RNF150: variants seen among roughly 807,000 people sequenced by gnomAD.
RNF150 encodes ring finger protein 150.
Under a neutral mutation model 39.3 loss-of-function variants are expected in RNF150, and 24 were observed. The observed-to-expected ratio is 0.61, with a 90% CI of 0.44 to 0.86. The LOEUF is 0.86. RNF150 is among the 40% of genes least tolerant of loss of function. The pLI is 0.00. For missense variants in RNF150, 502 were observed against 587.8 expected (o/e 0.85, Z 1.51); for synonymous variants, 255 against 227.3 (o/e 1.12, Z -1.10).
intron 1 of RNF150, among the ~76,000 whole-genome samples, chr4:141,130,647 G>A: frequency 6.6e-6 from 1 of 152,184 alleles, no homozygotes; most frequent in Non-Finnish European, 1.5e-5. Context: ...CATATGCACA[G>A]AGAAACAAAG....
chr4:141,084,597 C>T (rs1452170922), intron 1 of RNF150, among the ~76,000 whole-genome samples: 7 of 152,178 alleles, frequency 4.6e-5, no homozygotes, highest in African/African-American at 7.2e-5. Flanking sequence ...TCCTAAAGGA[C>T]GCGCAGGCTT....
chr4:141,177,557 T>C (rs2111182556), intron 1 of RNF150, among the ~76,000 whole-genome samples: 1 of 152,230 alleles, frequency 6.6e-6, no homozygotes, highest in Admixed American at 6.5e-5. Flanking sequence ...CATAGAGCAT[T>C]TTATTATCCT....
At chr4:141,003,599 ACACACACACG>A (rs1734753736) in intron 1 of RNF150, among the ~76,000 whole-genome samples, 2 of 133,884 alleles carry the variant, frequency 1.5e-5, no homozygotes, top group Admixed American at 1.6e-4. Flanking sequence ...ACACACACAC[ACACACACACG>A]TGTGCACACT....
chr4:140,997,720 G>A (rs945493965), intron 1 of RNF150, among the ~76,000 whole-genome samples: 2 of 151,688 alleles, frequency 1.3e-5, no homozygotes, highest in African/African-American at 4.8e-5. Flanking sequence ...ACATATATGT[G>A]TGTATAAAAA....
rs759014249 is a variant in RNF150 at position 140,947,669 on chromosome 4, C to G, written c.875G>C (p.Arg292Pro). 2 of 1,610,508 alleles carry G rather than the reference C, an allele frequency of 1.2e-6. No individual in the cohort carries two copies. The highest frequency in any genetic ancestry group is 1.7e-6 in the Non-Finnish European group (2 of 1,178,484). ...AGTGACTCACCGGCAGGGCAGGATC[C>G]GGACAACGTCATTGGGCTTGTACCC... ...IEGYKPNDVV[R>P]ILPCRHLFHK... Residue 292 changes from arginine (R) to proline (P), a missense_variant, in exon 4 of 7, where the codon CGG (arginine) becomes CCG (proline). Arg to Pro is a moderately radical substitution (Grantham distance 103, BLOSUM62 -2). Coordinates refer to ENST00000515673, the MANE Select transcript of RNF150 (RefSeq NM_020724.2).
intron 6 of RNF150, among the ~76,000 whole-genome samples, chr4:140,889,620 C>T (rs1444432379): frequency 6.6e-6 from 1 of 152,098 alleles, no homozygotes; most frequent in African/African-American, 2.4e-5. Context: ...TACAAAGGTA[C>T]AGGGAATAAT....
chr4:141,132,179 A>C lies in RNF150; in HGVS notation c.484+146T>G, dbSNP rs982951467. The C allele has an allele frequency of 8.7e-6, 7 of 808,168 alleles. No individual in the cohort carries two copies. The African/African-American group carries it at 1.0e-4, about 12-fold the overall frequency. 50.1% of individuals were successfully genotyped at this position (808,168 alleles called of 1,614,324 possible). On this transcript the variant is annotated intron_variant, in intron 1 of 6. Coordinates refer to ENST00000515673, the MANE Select transcript of RNF150 (RefSeq NM_020724.2). This position sits in a 1 kb window ranked among gnomAD's most constrained non-coding sequence, Gnocchi z 4.9. ...TTTGTAAACCCCCCAAGTGACGCGG[A>C]GCAAAACTTAATCGGTCCAGGGAAC...
At position 141,071,470 on chromosome 4, in the gene RNF150, A is replaced by T. The variant is rs947624133; in HGVS notation, c.484+60855T>A. Among the ~76,000 whole-genome samples the T allele has an allele frequency of 2.6e-5, 4 of 152,050 alleles. No individual in the cohort carries two copies. The East Asian group carries it at 7.7e-4, about 29-fold the overall frequency. The stretch of plus-strand genomic sequence containing the variant: ...CCTCAAATACTTTTGCATTATCAAC[A>T]AGAAAAAAGGAAATAGGAAGAAAAT... On this transcript the variant is annotated intron_variant, in intron 1 of 6. Transcript: ENST00000515673.
chr4:141,103,239 GC>G (rs1739077652), intron 1 of RNF150, among the ~76,000 whole-genome samples: 1 of 152,172 alleles, frequency 6.6e-6, no homozygotes, highest in African/African-American at 2.4e-5. Flanking sequence ...GCCTTCATCT[GC>G]ACAATTGAGG....
chr4:140,937,235 C>T (rs1209673379), intron 4 of RNF150, among the ~76,000 whole-genome samples: 2 of 152,070 alleles, frequency 1.3e-5, no homozygotes, highest in African/African-American at 2.4e-5. Context: ...AACTATTATG[C>T]AACTACTAAA....
chr4:141,044,024 G>T (rs1015938028), intron 1 of RNF150, among the ~76,000 whole-genome samples: 5 of 152,078 alleles, frequency 3.3e-5, no homozygotes, highest in Non-Finnish European at 7.4e-5. Context: ...GTATAATAGG[G>T]TTGAAGTAAA....
intron 1 of RNF150, among the ~76,000 whole-genome samples, chr4:141,205,853 G>A (rs897500095): frequency 2.0e-5 from 3 of 152,130 alleles, no homozygotes; most frequent in Non-Finnish European, 4.4e-5. Flanking sequence ...GTGTATGTGT[G>A]CGCACACCTG....
chr4:141,051,836 TG>T (rs1464170567), intron 1 of RNF150, among the ~76,000 whole-genome samples: 1 of 152,196 alleles, frequency 6.6e-6, no homozygotes, highest in African/African-American at 2.4e-5. Flanking sequence ...TCCACATTTT[TG>T]GGTATCTTTT....
intron 1 of RNF150, among the ~76,000 whole-genome samples, chr4:141,199,054 A>G (rs1728249680): frequency 6.6e-6 from 1 of 152,236 alleles, no homozygotes; most frequent in Non-Finnish European, 1.5e-5. Flanking sequence ...CCAATAAAAA[A>G]TGAGCAACAG....
intron 2 of RNF150, among the ~76,000 whole-genome samples, chr4:140,961,456 G>A (rs1255841619): frequency 6.6e-6 from 1 of 152,096 alleles, no homozygotes; most frequent in Non-Finnish European, 1.5e-5. Context: ...TGGCTTTGAT[G>A]TTCCATTTCA....
intron 1 of RNF150, among the ~76,000 whole-genome samples, chr4:141,116,863 C>A (rs1422519667): frequency 6.6e-6 from 1 of 152,050 alleles, no homozygotes; most frequent in Non-Finnish European, 1.5e-5. Context: ...AAGCTGGAAA[C>A]CATTATTCTC....
chr4:140,966,668 A>G (rs913827298), intron 2 of RNF150, among the ~76,000 whole-genome samples: 3 of 152,038 alleles, frequency 2.0e-5, no homozygotes, highest in Admixed American at 6.6e-5. Flanking sequence ...CTAACAATAA[A>G]AAAAAGTTAT....
At chr4:141,154,440 C>T (rs1489977744) in intron 1 of RNF150, among the ~76,000 whole-genome samples, 2 of 152,200 alleles carry the variant, frequency 1.3e-5, no homozygotes, top group African/African-American at 4.8e-5. Context: ...TAGGCAAGCA[C>T]TTCTCACAAT....
chr4:140,966,693 A>G (rs1051459606), intron 2 of RNF150, among the ~76,000 whole-genome samples: 4 of 150,958 alleles, frequency 2.6e-5, no homozygotes, highest in Non-Finnish European at 4.4e-5. Context: ...TTCTTTTGGT[A>G]AGGATATGGG....
Sources: allele counts gnomAD v4.1 joint callset (sites outside exome capture counted in the v4.1 genomes callset), GRCh38; gene constraint gnomAD v4.1.1; non-coding constraint Gnocchi (gnomAD v3.1); transcripts MANE v1.5; gene names NCBI Gene and HGNC (gene_info 2026-07-23, HGNC 2026-07-21).